RPA3: variants seen among roughly 807,000 people sequenced by gnomAD.
RPA3 encodes replication protein A 14 kDa subunit.
A neutral mutation model predicts 13.7 loss-of-function variants in RPA3; 24 were observed. The observed-to-expected ratio is 1.75, with a 90% CI of 1.27 to 2.46. The LOEUF (loss-of-function observed/expected upper bound fraction) is 2.46, where lower values mean the gene tolerates loss of function less well. Among genes scored for constraint, RPA3 ranks in the 30% most tolerant of loss-of-function variants. RPA3 has a pLI of 0.00. For synonymous variants in RPA3, 59 were observed against 51.2 expected (o/e 1.15, Z -0.65); for missense variants, 183 against 151.0 (o/e 1.21, Z -1.11).
chr7:7,637,739 AAC>A, intron 7 of RPA3, 123 bp downstream of exon 7: 2 of 478,532 alleles, frequency 4.2e-6, no homozygotes, highest in Non-Finnish European at 3.8e-6. Flanking sequence ...AGTTATATAA[AAC>A]TGTATGTTAT....
At chr7:7,668,424 A>T (rs919008790) in intron 4 of RPA3, among the ~76,000 whole-genome samples, 4 of 152,300 alleles carry the variant, frequency 2.6e-5, no homozygotes, top group Non-Finnish European at 5.9e-5. Flanking sequence ...GGGGGACCAT[A>T]TTCACATAAC....
chr7:7,649,018 C>T (rs1184443155), intron 4 of RPA3, among the ~76,000 whole-genome samples: 4 of 151,822 alleles, frequency 2.6e-5, no homozygotes, highest in Non-Finnish European at 4.4e-5. Context: ...ATTAGCCAGG[C>T]ATGGTGGCGG....
intron 2 of RPA3, among the ~76,000 whole-genome samples, chr7:7,701,869 A>G (rs964246157): frequency 1.3e-5 from 2 of 152,002 alleles, no homozygotes; most frequent in African/African-American, 2.4e-5. Context: ...TTCAGTCTCC[A>G]TTTATCTTTC....
intron 2 of RPA3, among the ~76,000 whole-genome samples, chr7:7,709,062 C>T (rs1780682246): frequency 6.6e-6 from 1 of 152,048 alleles, no homozygotes; most frequent in African/African-American, 2.4e-5. Flanking sequence ...CAATTAACTA[C>T]TTAATAACAC....
chr7:7,657,887 G>A (rs9692400), intron 4 of RPA3, among the ~76,000 whole-genome samples: 31,088 of 152,022 alleles, frequency 0.2, 3,692 homozygotes, highest in Middle Eastern at 0.37. Flanking sequence ...CATTGAATCT[G>A]TAAATTACTT....
intron 4 of RPA3, among the ~76,000 whole-genome samples, chr7:7,678,557 T>TTATATACTTAATTTATAGATAAATATA: frequency 7.2e-6 from 1 of 138,458 alleles, no homozygotes; most frequent in Non-Finnish European, 1.5e-5. Flanking sequence ...AAATATATAT[T>TTATATACTTAATTTATAGATAAATATA]TATATACTTA....
At chr7:7,715,077 T>C (rs565240344) in intron 2 of RPA3, 98 bp downstream of exon 2, 19 of 152,008 alleles carry the variant, frequency 1.2e-4, no homozygotes, top group African/African-American at 4.6e-4. Flanking sequence ...AAAAAAATAC[T>C]TTTTTTTAGT....
At chr7:7,717,355 C>T (rs150931695) in intron 1 of RPA3, among the ~76,000 whole-genome samples, 10 of 152,182 alleles carry the variant, frequency 6.6e-5, no homozygotes, top group African/African-American at 2.2e-4. Context: ...CCTCGCCCAG[C>T]CTCCTGTTTC....
At chr7:7,646,154 C>A (rs1402721966) in intron 4 of RPA3, among the ~76,000 whole-genome samples, 1 of 152,190 alleles carries the variant, frequency 6.6e-6, no homozygotes, top group Non-Finnish European at 1.5e-5. Context: ...GTCAGTGTGA[C>A]AGCCTTTTTG....
chr7:7,683,344 C>G (rs1779958967), intron 4 of RPA3, among the ~76,000 whole-genome samples: 1 of 152,086 alleles, frequency 6.6e-6, no homozygotes, highest in South Asian at 2.1e-4. Context: ...TTTTTCCCCC[C>G]AGAGTTCTCC....
intron 4 of RPA3, among the ~76,000 whole-genome samples, chr7:7,642,952 C>T (rs1172896957): frequency 6.6e-6 from 1 of 152,052 alleles, no homozygotes; most frequent in Non-Finnish European, 1.5e-5. Context: ...ACGTATGTAT[C>T]TTCTGACTTC....
chr7:7,677,684 T>G (rs868516911), intron 4 of RPA3, among the ~76,000 whole-genome samples: 1,538 of 141,508 alleles, frequency 0.011, 29 homozygotes, highest in Non-Finnish European at 0.019. Context: ...TTTTTTTTTT[T>G]TTTTTTTGAG....
chr7:7,682,068 T>C (rs564897907), intron 4 of RPA3, among the ~76,000 whole-genome samples: 3 of 152,134 alleles, frequency 2.0e-5, no homozygotes, highest in Non-Finnish European at 4.4e-5. Flanking sequence ...CAGAATGAAA[T>C]TGGGCAAACA....
At chr7:7,716,805 G>A (rs551566613) in intron 1 of RPA3, among the ~76,000 whole-genome samples, 14 of 152,276 alleles carry the variant, frequency 9.2e-5, no homozygotes, top group African/African-American at 3.4e-4. Context: ...AATTAGGCGG[G>A]CATGGTGGCG....
At chr7:7,642,119 A>G (rs554676347) in intron 4 of RPA3, among the ~76,000 whole-genome samples, 3 of 152,172 alleles carry the variant, frequency 2.0e-5, no homozygotes, top group Non-Finnish European at 4.4e-5. Context: ...AGGGGAGAGT[A>G]CACACATCAA....
chr7:7,649,132 C>G (rs1246024527), intron 4 of RPA3, among the ~76,000 whole-genome samples: 1 of 129,822 alleles, frequency 7.7e-6, no homozygotes, highest in East Asian at 2.3e-4. Flanking sequence ...CACTCCAGCC[C>G]GTGCGACAAG....
At chr7:7,648,748 G>C (rs1327996217) in intron 4 of RPA3, among the ~76,000 whole-genome samples, 4 of 152,072 alleles carry the variant, frequency 2.6e-5, no homozygotes, top group Middle Eastern at 3.2e-3. Flanking sequence ...AGCTACTTGG[G>C]AGGCTGAGGT....
chr7:7,681,532 G>A (rs1779912408), intron 4 of RPA3, among the ~76,000 whole-genome samples: 1 of 152,126 alleles, frequency 6.6e-6, no homozygotes, highest in African/African-American at 2.4e-5. Flanking sequence ...AAAAGTTCTT[G>A]TAGAAAAACA....
At chr7:7,692,564 A>G (rs1266970878) in intron 2 of RPA3, 1 of 152,166 alleles carries the variant, frequency 6.6e-6, no homozygotes, top group Non-Finnish European at 1.5e-5. Flanking sequence ...TGCCTTAGAA[A>G]TTCCACTTTT....
Sources: allele counts gnomAD v4.1 joint callset (sites outside exome capture counted in the v4.1 genomes callset), GRCh38; gene constraint gnomAD v4.1.1; transcripts MANE v1.5; gene names NCBI Gene and HGNC (gene_info 2026-07-23, HGNC 2026-07-21).